The following PDE7B variants were observed in gnomAD, a reference collection of about 807,000 sequenced individuals.
PDE7B encodes phosphodiesterase 7B, also known as 3',5'-cyclic-AMP phosphodiesterase 7B.
In PDE7B, 29 loss-of-function variants were observed where a neutral mutation model predicts 56.2. The observed-to-expected ratio is 0.52, with a 90% CI of 0.38 to 0.70. PDE7B has a LOEUF of 0.70. PDE7B is among the 30% of genes least tolerant of loss of function. PDE7B has a pLI of 0.00. For missense variants in PDE7B, 490 were observed against 565.0 expected (o/e 0.87, Z 1.35); for synonymous variants, 197 against 196.9 (o/e 1.00, Z 0.00).
At chr6:135,865,487 A>G (rs1419456488) in intron 1 of PDE7B, among the ~76,000 whole-genome samples, 1 of 152,146 alleles carries the variant, frequency 6.6e-6, no homozygotes, top group East Asian at 1.9e-4. Flanking sequence ...TCTGCAAATC[A>G]TTATAAAACT....
In PDE7B at chr6:135,857,600, AC is replaced by A. The variant is rs142931421; in HGVS notation, c.21+5582del. On this transcript the variant is annotated intron_variant, in intron 1 of 12. Coordinates refer to ENST00000308191, the MANE Select transcript of PDE7B (RefSeq NM_018945.4). ...GAAGGTACCAAACGGTCAGTGTTTT[AC>A]ATTCTCTTTGACTCTAGCAAATCTT... Among the ~76,000 whole-genome samples, 92 of 152,258 alleles carry A rather than the reference AC, an allele frequency of 6.0e-4. 2 individuals are homozygous for A. In the East Asian group the frequency reaches 0.015, roughly 25 times the overall value.
chr6:136,079,542 C>CAGTG (rs1265230382), intron 2 of PDE7B, among the ~76,000 whole-genome samples: 1 of 152,140 alleles, frequency 6.6e-6, no homozygotes, highest in African/African-American at 2.4e-5. Context: ...TTCTGCTGGA[C>CAGTG]AGTGCTGAGT....
At chr6:135,868,851 T>C (rs1428130775) in intron 1 of PDE7B, among the ~76,000 whole-genome samples, 2 of 152,248 alleles carry the variant, frequency 1.3e-5, no homozygotes, top group Non-Finnish European at 1.5e-5. Context: ...TTACATTGTC[T>C]TGTTTAGTAT....
chr6:135,910,012 A>T (rs1449222648), intron 1 of PDE7B, among the ~76,000 whole-genome samples: 5 of 152,204 alleles, frequency 3.3e-5, no homozygotes, highest in Non-Finnish European at 7.3e-5. Flanking sequence ...GTTGCTTGCT[A>T]CCTAAAATCC....
At position 135,917,038 on chromosome 6, in the gene PDE7B, A is replaced by G. The variant is rs111344590; in HGVS notation, c.22-30426A>G. Among the ~76,000 whole-genome samples, 567 of 152,298 alleles carry G rather than the reference A, an allele frequency of 3.7e-3. 3 individuals are homozygous for G. The highest frequency in any genetic ancestry group is 0.013 in the African/African-American group (536 of 41,578). Reference sequence around the variant, plus strand: ...TAACCCAAGGTTGCAAAGATAATCTATGTTTCCTTCTTTGTAGTTTTCACT... The same window carrying G: ...TAACCCAAGGTTGCAAAGATAATCTGTGTTTCCTTCTTTGTAGTTTTCACT... On this transcript the variant is annotated intron_variant, in intron 1 of 12. Transcript: ENST00000308191.
chr6:135,868,371 C>T (rs1332967430), intron 1 of PDE7B, among the ~76,000 whole-genome samples: 1 of 152,202 alleles, frequency 6.6e-6, no homozygotes, highest in Non-Finnish European at 1.5e-5. Flanking sequence ...CACCATCACC[C>T]CCACTCCAGT....
chr6:136,183,513 A>G (rs1051623145), intron 11 of PDE7B, among the ~76,000 whole-genome samples: 31 of 149,648 alleles, frequency 2.1e-4, no homozygotes, highest in African/African-American at 2.2e-4. Context: ...GGAGAATGGC[A>G]TGAACCCGGG....
At chr6:136,053,586 T>G (rs182765583) in intron 2 of PDE7B, among the ~76,000 whole-genome samples, 1,642 of 152,256 alleles carry the variant, frequency 0.011, 27 homozygotes, top group African/African-American at 0.038. Flanking sequence ...TAATGGGATG[T>G]CTGGGTCAAA....
At chr6:135,869,073 T>A (rs1201312151) in intron 1 of PDE7B, among the ~76,000 whole-genome samples, 2 of 152,170 alleles carry the variant, frequency 1.3e-5, no homozygotes, top group Non-Finnish European at 2.9e-5. Context: ...TGTGTGTGTA[T>A]GTATACTTGT....
chr6:136,058,504 GA>G (rs1447174783), intron 2 of PDE7B, among the ~76,000 whole-genome samples: 1 of 152,074 alleles, frequency 6.6e-6, no homozygotes, highest in African/African-American at 2.4e-5. Context: ...AGGGAATTAA[GA>G]AAAAAGAATA....
At chr6:136,080,352 A>G (rs1777187233) in intron 2 of PDE7B, among the ~76,000 whole-genome samples, 1 of 152,118 alleles carries the variant, frequency 6.6e-6, no homozygotes, top group Admixed American at 6.5e-5. Flanking sequence ...GAGAACAAAC[A>G]TTCTCACAAT....
rs890369880 is a variant in PDE7B, at chr6:135,937,164, C to T, written c.22-10300C>T. On this transcript the variant is annotated intron_variant, in intron 1 of 12. Coordinates refer to ENST00000308191, the MANE Select transcript of PDE7B (RefSeq NM_018945.4). The stretch of plus-strand genomic sequence containing the variant: ...GGGTCCTGTTCAGTGTGGTGAGGAG[C>T]GACATTGGTCAGCAAACGTGGCTGC... Among the ~76,000 whole-genome samples the T allele has an allele frequency of 3.3e-5, 5 of 152,194 alleles. No individual in the cohort carries two copies. The South Asian group carries it at 6.2e-4, about 19-fold the overall frequency.
chr6:135,858,341 T>C (rs994481283), intron 1 of PDE7B, among the ~76,000 whole-genome samples: 1 of 151,952 alleles, frequency 6.6e-6, no homozygotes, highest in Non-Finnish European at 1.5e-5. Context: ...TTAGTAGAGA[T>C]GGGATTTCAC....
intron 2 of PDE7B, among the ~76,000 whole-genome samples, chr6:135,955,869 C>G (rs1774784325): frequency 6.6e-6 from 1 of 152,132 alleles, no homozygotes; most frequent in Non-Finnish European, 1.5e-5. Context: ...CCCTGTCCCG[C>G]AAAGAAGAGT....
At chr6:136,000,674 C>G (rs1011422383) in intron 2 of PDE7B, among the ~76,000 whole-genome samples, 14 of 152,158 alleles carry the variant, frequency 9.2e-5, no homozygotes, top group African/African-American at 3.4e-4. Context: ...AGTTTGAAGT[C>G]AAGTAACATG....
At position 136,192,246 on chromosome 6, in the gene PDE7B, C is replaced by T. The variant is rs1490562507; in HGVS notation, c.*406C>T. On this transcript the variant is annotated 3_prime_UTR_variant, in exon 13 of 13. Coordinates refer to ENST00000308191, the MANE Select transcript of PDE7B (RefSeq NM_018945.4). ...CTGCTGATCTGCGTGACAGAAACACCAGCATATTTGCAACGCCAAGGATAT... is the reference window on the plus strand; with the variant it reads ...CTGCTGATCTGCGTGACAGAAACACTAGCATATTTGCAACGCCAAGGATAT... 5.5e-6 allele frequency: 1 copy of T among 182,414 alleles called. No homozygotes were observed. Among genetic ancestry groups the T allele is most frequent in the Non-Finnish European group, 1.2e-5 (1 of 85,948 alleles). The allele number at this position is 182,414 out of a possible 1,614,324, so 11.3% of individuals were successfully genotyped here.
Position 136,138,988 on chromosome 6 carries a change from CTTTAAG to C in PDE7B, c.167-8359_167-8354del, listed in dbSNP as rs1778265182. ...GATTTTTTTGTTGTTTTTTATTATA[CTTTAAG>C]TTTTAGGGTACATGTGCACGATGTG... On this transcript the variant is annotated intron_variant, in intron 3 of 12. Coordinates refer to ENST00000308191, the MANE Select transcript of PDE7B (RefSeq NM_018945.4). Among the ~76,000 whole-genome samples the C allele has an allele frequency of 2.6e-5, 4 of 152,194 alleles. No homozygotes were observed. The South Asian group carries it at 6.2e-4, about 24-fold the overall frequency.
At chr6:135,899,251 A>C (rs891878867) in intron 1 of PDE7B, among the ~76,000 whole-genome samples, 5 of 152,102 alleles carry the variant, frequency 3.3e-5, no homozygotes, top group Non-Finnish European at 7.4e-5. Flanking sequence ...GAACAGACTA[A>C]TACATCATGT....
intron 2 of PDE7B, among the ~76,000 whole-genome samples, chr6:136,090,204 GT>G (rs2128216007): frequency 6.6e-6 from 1 of 152,194 alleles, no homozygotes; most frequent in East Asian, 1.9e-4. Context: ...GTTCCTTCAC[GT>G]GGCTATGAGA....
Sources: allele counts gnomAD v4.1 joint callset (sites outside exome capture counted in the v4.1 genomes callset), GRCh38; gene constraint gnomAD v4.1.1; transcripts MANE v1.5; gene names NCBI Gene and HGNC (gene_info 2026-07-23, HGNC 2026-07-21).